The following CLECL1 variants were observed in gnomAD, a reference collection of about 807,000 sequenced individuals.
CLECL1 encodes the protein C-type lectin-like domain family 1.
At chr12:9,721,530 C>T (rs748768949), downstream of CLECL1, among the ~76,000 whole-genome samples, 1 of 152,186 alleles carries the variant, frequency 6.6e-6, no homozygotes, top group Non-Finnish European at 1.5e-5. Context: ...CTTAGATCAC[C>T]GTTCTCCTAA....
chr12:9,718,007 T>C (rs868247493), downstream of CLECL1, among the ~76,000 whole-genome samples: 11 of 152,296 alleles, frequency 7.2e-5, no homozygotes, highest in South Asian at 2.3e-3. Flanking sequence ...TATATTGTTA[T>C]TTTTATTCAA....
At chr12:9,717,527 A>G (rs1866253641), downstream of CLECL1, among the ~76,000 whole-genome samples, 1 of 152,202 alleles carries the variant, frequency 6.6e-6, no homozygotes, top group Non-Finnish European at 1.5e-5. Context: ...AGAAGTAAAT[A>G]TTTATCTTGT....
chr12:9,708,144 A>G, the CLECL1 span, among the ~76,000 whole-genome samples: 2 of 152,174 alleles, frequency 1.3e-5, no homozygotes, highest in African/African-American at 4.8e-5. Context: ...CTGCCGTGCC[A>G]ATGGAACATT....
At chr12:9,730,464 T>A (rs1866433810) in intron 1 of CLECL1, among the ~76,000 whole-genome samples, 1 of 152,220 alleles carries the variant, frequency 6.6e-6, no homozygotes, top group African/African-American at 2.4e-5. Context: ...ATATCAAGAC[T>A]AAATGGAATG....
At chr12:9,722,110 G>A (rs978984005), downstream of CLECL1, among the ~76,000 whole-genome samples, 11 of 152,132 alleles carry the variant, frequency 7.2e-5, no homozygotes, top group South Asian at 8.3e-4. Flanking sequence ...TTTAATATTT[G>A]TAATTTAACA....
chr12:9,710,047 C>A, the CLECL1 span, among the ~76,000 whole-genome samples: 2 of 152,308 alleles, frequency 1.3e-5, no homozygotes, highest in South Asian at 4.1e-4. Context: ...AGTTATCTCT[C>A]TGGTAAAGTT....
At chr12:9,728,580 T>TTAG (rs1357064294) in intron 2 of CLECL1, among the ~76,000 whole-genome samples, 1 of 151,744 alleles carries the variant, frequency 6.6e-6, no homozygotes, top group Non-Finnish European at 1.5e-5. Flanking sequence ...TTGAAATCTA[T>TTAG]TAGTAACACA....
chr12:9,731,885 A>G (rs1866452149), intron 1 of CLECL1, among the ~76,000 whole-genome samples: 1 of 152,178 alleles, frequency 6.6e-6, no homozygotes, highest in Non-Finnish European at 1.5e-5. Context: ...GAGTAAAATA[A>G]CCTCTAGAAA....
intron 1 of CLECL1, among the ~76,000 whole-genome samples, chr12:9,731,708 C>T (rs1866449486): frequency 6.6e-6 from 1 of 152,172 alleles, no homozygotes; most frequent in Non-Finnish European, 1.5e-5. Flanking sequence ...TTCGTTTTCT[C>T]ATTTTTAGCA....
At chr12:9,704,177 ATATTT>A in the CLECL1 span, 5 of 152,180 alleles carry the variant, frequency 3.3e-5, no homozygotes, top group African/African-American at 1.2e-4. Flanking sequence ...TAGTACTTTA[ATATTT>A]TATTAATATG....
chr12:9,706,185 G>C, the CLECL1 span, among the ~76,000 whole-genome samples: 4 of 152,140 alleles, frequency 2.6e-5, no homozygotes, highest in Admixed American at 1.3e-4. Context: ...AGGAATGCTA[G>C]TGATTTTTGC....
At chr12:9,721,316 A>G (rs1866310021), downstream of CLECL1, among the ~76,000 whole-genome samples, 1 of 152,108 alleles carries the variant, frequency 6.6e-6, no homozygotes, top group Non-Finnish European at 1.5e-5. Flanking sequence ...CTTCTGTAAC[A>G]TATTTTATCT....
intron 3 of CLECL1, among the ~76,000 whole-genome samples, chr12:9,726,761 C>T (rs1866384849): frequency 6.6e-6 from 1 of 151,786 alleles, no homozygotes; most frequent in African/African-American, 2.4e-5. Flanking sequence ...AAAGCCAGAG[C>T]TTTATTTATT....
the CLECL1 span, chr12:9,704,234 G>A: frequency 6.6e-6 from 1 of 151,992 alleles, no homozygotes; most frequent in Non-Finnish European, 1.5e-5. Context: ...AATTGCACAA[G>A]GAGAACTTCC....
the CLECL1 span, among the ~76,000 whole-genome samples, chr12:9,704,850 T>A: frequency 2.7e-3 from 412 of 152,344 alleles, 6 homozygotes; most frequent in East Asian, 0.03. Flanking sequence ...TTTGCTATTG[T>A]GAATAGTGCT....
downstream of CLECL1, among the ~76,000 whole-genome samples, chr12:9,713,311 G>A (rs1866212445): frequency 6.6e-6 from 1 of 152,190 alleles, no homozygotes; most frequent in South Asian, 2.1e-4. Flanking sequence ...TTTCCCTGTG[G>A]TTCACAAGTT....
At chr12:9,717,176 G>A (rs1232741320) in intron 2 of CLECL1, among the ~76,000 whole-genome samples, 1 of 152,166 alleles carries the variant, frequency 6.6e-6, no homozygotes, top group East Asian at 1.9e-4. Context: ...TTTGGGAGGC[G>A]GAGGCGGGCA....
At chr12:9,705,974 A>G in the CLECL1 span, among the ~76,000 whole-genome samples, 1 of 152,092 alleles carries the variant, frequency 6.6e-6, no homozygotes, top group African/African-American at 2.4e-5. Flanking sequence ...AAGTACGGCC[A>G]TTTTCAAGAT....
chr12:9,718,477 C>T (rs1234926295), downstream of CLECL1, among the ~76,000 whole-genome samples: 1 of 150,924 alleles, frequency 6.6e-6, no homozygotes, highest in Non-Finnish European at 1.5e-5. Context: ...TTGGTGCATG[C>T]ACGTTTATAA....
Sources: allele counts gnomAD v4.1 joint callset (sites outside exome capture counted in the v4.1 genomes callset), GRCh38; gene constraint gnomAD v4.1.1; transcripts MANE v1.5; gene names NCBI Gene and HGNC (gene_info 2026-07-23, HGNC 2026-07-21).